CHSY3: variants seen among roughly 807,000 people sequenced by gnomAD.
CHSY3 encodes N-acetylgalactosaminyl-proteoglycan 3-beta-glucuronosyltransferase 3.
A neutral mutation model predicts 67.2 loss-of-function variants in CHSY3; 35 were observed. The ratio of observed to expected loss-of-function variants is 0.52; its 90% CI spans 0.40 to 0.69. The LOEUF is 0.69. CHSY3 is among the 30% of genes least tolerant of loss of function. The pLI is 0.00. For synonymous variants in CHSY3, 474 were observed against 434.7 expected, an observed-to-expected ratio of 1.09 and a Z score of -1.12; for missense variants, 1,069 against 1,138.5, an observed-to-expected ratio of 0.94 and a Z score of 0.88.
At chr5:130,022,446 T>C (rs1764419560) in intron 2 of CHSY3, among the ~76,000 whole-genome samples, 1 of 151,986 alleles carries the variant, frequency 6.6e-6, no homozygotes, top group Non-Finnish European at 1.5e-5. Context: ...AAATAGTGAA[T>C]AGTAAATAGT....
At chr5:129,952,743 G>A (rs907844160) in intron 2 of CHSY3, among the ~76,000 whole-genome samples, 1 of 152,156 alleles carries the variant, frequency 6.6e-6, no homozygotes, top group Non-Finnish European at 1.5e-5. Flanking sequence ...AGTTGCCTAG[G>A]AAACACTAAT....
At chr5:130,008,006 C>T (rs1330622787) in intron 2 of CHSY3, among the ~76,000 whole-genome samples, 1 of 152,176 alleles carries the variant, frequency 6.6e-6, no homozygotes, top group Non-Finnish European at 1.5e-5. Context: ...GGGCCCCAGC[C>T]AGTGTGTAAC....
intron 2 of CHSY3, among the ~76,000 whole-genome samples, chr5:129,979,199 C>CAAAAAAAAA (rs58584381): frequency 2.8e-3 from 174 of 62,438 alleles, no homozygotes; most frequent in South Asian, 3.4e-3. Flanking sequence ...GACTCCGTCT[C>CAAAAAAAAA]AAAAAAAAAA....
At chr5:129,929,425 T>C (rs1259383552) in intron 2 of CHSY3, among the ~76,000 whole-genome samples, 1 of 152,214 alleles carries the variant, frequency 6.6e-6, no homozygotes, top group African/African-American at 2.4e-5. Context: ...AATGTAATTG[T>C]TTTTCTTTCA....
intron 2 of CHSY3, among the ~76,000 whole-genome samples, chr5:130,173,944 A>G: frequency 6.6e-6 from 1 of 152,028 alleles, no homozygotes; most frequent in East Asian, 1.9e-4. Flanking sequence ...TTAATTTGAA[A>G]ATTCACTATT....
At chr5:129,907,414 A>G (rs1760349678) in intron 1 of CHSY3, among the ~76,000 whole-genome samples, 1 of 152,192 alleles carries the variant, frequency 6.6e-6, no homozygotes, top group Admixed American at 6.5e-5. Context: ...TACTTATTCC[A>G]ATGTATCACT....
intron 2 of CHSY3, among the ~76,000 whole-genome samples, chr5:130,066,856 A>G (rs1311746087): frequency 6.6e-6 from 1 of 152,092 alleles, no homozygotes; most frequent in East Asian, 1.9e-4. Flanking sequence ...GGTCTGTCAT[A>G]GGCTTATGGT....
At chr5:130,177,348 A>G (rs1770087269) in intron 2 of CHSY3, among the ~76,000 whole-genome samples, 1 of 151,912 alleles carries the variant, frequency 6.6e-6, no homozygotes, top group African/African-American at 2.4e-5. Flanking sequence ...ACCTGCTGAA[A>G]TATCTATTGG....
At chr5:130,150,297 A>T (rs1156632219) in intron 2 of CHSY3, among the ~76,000 whole-genome samples, 1 of 152,166 alleles carries the variant, frequency 6.6e-6, no homozygotes, top group African/African-American at 2.4e-5. Flanking sequence ...AACAGGTCAT[A>T]TCTTTTAGGA....
chr5:129,908,853 A>C (rs1418298325), intron 2 of CHSY3, among the ~76,000 whole-genome samples: 1 of 152,124 alleles, frequency 6.6e-6, no homozygotes, highest in African/African-American at 2.4e-5. Flanking sequence ...CATATTTTTA[A>C]AAGTATCAGA....
chr5:130,108,412 T>C (rs1767480869), intron 2 of CHSY3, among the ~76,000 whole-genome samples: 1 of 151,588 alleles, frequency 6.6e-6, no homozygotes, highest in Admixed American at 6.6e-5. Context: ...CTGTGCAAAG[T>C]ACTTAATACA....
chr5:129,939,234 T>G (rs1287532017), intron 2 of CHSY3, among the ~76,000 whole-genome samples: 1 of 152,186 alleles, frequency 6.6e-6, no homozygotes, highest in East Asian at 1.9e-4. Flanking sequence ...GGGAGAAGTC[T>G]GTCTCCCCAA....
At chr5:129,940,549 A>C (rs1427125612) in intron 2 of CHSY3, among the ~76,000 whole-genome samples, 2 of 152,160 alleles carry the variant, frequency 1.3e-5, no homozygotes, top group Non-Finnish European at 2.9e-5. Flanking sequence ...AAATATGTAA[A>C]AATATGCTTT....
intron 2 of CHSY3, among the ~76,000 whole-genome samples, chr5:130,101,696 C>T (rs1282191066): frequency 6.6e-6 from 1 of 152,024 alleles, no homozygotes; most frequent in Non-Finnish European, 1.5e-5. Context: ...AATTATTCCT[C>T]TTGTCTAACT....
intron 2 of CHSY3, among the ~76,000 whole-genome samples, chr5:130,180,919 G>A (rs1770224828): frequency 6.6e-6 from 1 of 152,176 alleles, no homozygotes; most frequent in Non-Finnish European, 1.5e-5. Flanking sequence ...CCTATGCTAT[G>A]TTTTCATTAT....
intron 2 of CHSY3, among the ~76,000 whole-genome samples, chr5:130,126,950 A>G (rs371930007): frequency 2.0e-5 from 3 of 152,298 alleles, no homozygotes; most frequent in Admixed American, 6.5e-5. Context: ...TCTGGTGCTC[A>G]TGGCCTGTGT....
intron 2 of CHSY3, among the ~76,000 whole-genome samples, chr5:129,936,796 C>T (rs1359868911): frequency 6.6e-6 from 1 of 152,168 alleles, no homozygotes; most frequent in African/African-American, 2.4e-5. Flanking sequence ...AGGTCTTAAA[C>T]TACCATTCCC....
At chr5:130,032,359 T>A (rs1170728036) in intron 2 of CHSY3, among the ~76,000 whole-genome samples, 1 of 152,140 alleles carries the variant, frequency 6.6e-6, no homozygotes, top group East Asian at 1.9e-4. Flanking sequence ...AATGTAAAAA[T>A]ATTTTGTTAG....
chr5:130,032,245 G>T (rs572838897), intron 2 of CHSY3, among the ~76,000 whole-genome samples: 134 of 152,120 alleles, frequency 8.8e-4, no homozygotes, highest in Non-Finnish European at 4.0e-4. Context: ...ACATATTATA[G>T]ATGTGAGATA....
Sources: gnomAD v4.1 joint callset for allele counts (sites outside exome capture counted in the v4.1 genomes callset) on GRCh38, gnomAD v4.1.1 for gene constraint, MANE v1.5 for transcripts, NCBI Gene and HGNC (gene_info 2026-07-23, HGNC 2026-07-21) for gene names.